Variants in GGPS1 observed in about 807,000 individuals in gnomAD.
GGPS1 encodes geranylgeranyl pyrophosphate synthase.
Under a neutral mutation model 28.1 loss-of-function variants are expected in GGPS1, and 15 were observed. The observed-to-expected ratio is 0.53, with a 90% CI of 0.36 to 0.82. The LOEUF is 0.82. Among genes scored for constraint, GGPS1 ranks in the 40% least tolerant of loss-of-function variants. The pLI is 0.01. For missense variants in GGPS1, 284 were observed against 348.3 expected (o/e 0.82, Z 1.47); for synonymous variants, 138 against 122.4 (o/e 1.13, Z -0.84).
Position 235,343,190 on chromosome 1 carries a change from T to A in GGPS1, c.*418T>A, listed in dbSNP as rs1426126824. 5.9e-6 allele frequency: 1 copy of A among 168,586 alleles called. No individual in the cohort carries two copies. The highest frequency in any genetic ancestry group is 6.5e-5 in the Admixed American group (1 of 15,328). 10.4% of individuals were successfully genotyped at this position (168,586 alleles called of 1,614,324 possible). A position where few individuals can be genotyped will look rare whatever the true frequency, so the allele number is the denominator to read the frequency against. ...GACCAAAGACCACAAATCTCTTTTTTTCCTAAACGCTGCTGTAAGGAATAT... is the reference window on the plus strand; with the variant it reads ...GACCAAAGACCACAAATCTCTTTTTATCCTAAACGCTGCTGTAAGGAATAT... On this transcript the variant is annotated 3_prime_UTR_variant, in exon 4 of 4. Coordinates refer to ENST00000282841, the MANE Select transcript of GGPS1 (RefSeq NM_004837.4).
intron 2 of GGPS1, among the ~76,000 whole-genome samples, chr1:235,338,377 G>A (rs1209668004): frequency 3.3e-5 from 5 of 149,948 alleles, no homozygotes; most frequent in African/African-American, 4.9e-5. Flanking sequence ...GGGAGACCCC[G>A]TCTCAGAAAA....
intron 1 of GGPS1, among the ~76,000 whole-genome samples, chr1:235,333,916 G>A (rs1241744846): frequency 6.6e-6 from 1 of 152,114 alleles, no homozygotes; most frequent in East Asian, 1.9e-4. Context: ...TTCCCAAAAT[G>A]TGCCAAAGAT....
chr1:235,343,749 A>G lies in GGPS1; in HGVS notation c.*977A>G, dbSNP rs750007958. On this transcript the variant is annotated 3_prime_UTR_variant, in exon 4 of 4. Coordinates refer to ENST00000282841, the MANE Select transcript of GGPS1 (RefSeq NM_004837.4). ...CCCAAACTGGTTAGTATATGGGTAC[A>G]GCATTCCCTTTCCAATTGGGAAGCG... The G allele has an allele frequency of 3.0e-5, 5 of 166,990 alleles. No individual in the cohort carries two copies. Among genetic ancestry groups the G allele is most frequent in the Non-Finnish European group, 5.9e-5 (4 of 68,106 alleles). 10.3% of individuals were successfully genotyped at this position (166,990 alleles called of 1,614,324 possible).
chr1:235,340,430 T>G (rs1272258803), intron 2 of GGPS1, among the ~76,000 whole-genome samples: 19 of 127,390 alleles, frequency 1.5e-4, no homozygotes, highest in African/African-American at 5.4e-4. Flanking sequence ...GGTGACAGAG[T>G]GAGACCCTGT....
At chr1:235,334,700 CTT>C (rs1675814636) in intron 1 of GGPS1, among the ~76,000 whole-genome samples, 1 of 152,164 alleles carries the variant, frequency 6.6e-6, no homozygotes, top group African/African-American at 2.4e-5. Flanking sequence ...AGATTGGCTT[CTT>C]TCACTTAACA....
intron 2 of GGPS1, among the ~76,000 whole-genome samples, chr1:235,338,485 TA>T (rs772858235): frequency 4.6e-5 from 7 of 152,168 alleles, no homozygotes; most frequent in Non-Finnish European, 1.0e-4. Flanking sequence ...AAATAAGCCA[TA>T]TATTGTACTG....
intron 2 of GGPS1, among the ~76,000 whole-genome samples, chr1:235,340,604 C>T (rs1232656495): frequency 1.3e-5 from 2 of 150,938 alleles, no homozygotes; most frequent in Admixed American, 6.6e-5. Context: ...GGCGTGGTAG[C>T]GGGCGCCTGT....
At chr1:235,341,156 C>T (rs1415848562) in intron 2 of GGPS1, among the ~76,000 whole-genome samples, 1 of 151,892 alleles carries the variant, frequency 6.6e-6, no homozygotes, top group African/African-American at 2.4e-5. Flanking sequence ...ATATTAAAAC[C>T]CCCTTTCTAT....
intron 1 of GGPS1, among the ~76,000 whole-genome samples, chr1:235,334,972 C>T (rs1305339810): frequency 6.6e-6 from 1 of 152,016 alleles, no homozygotes; most frequent in Non-Finnish European, 1.5e-5. Flanking sequence ...ATCTACCCAC[C>T]TCAGCTAATT....
chr1:235,340,319 A>T (rs1435228000), intron 2 of GGPS1, among the ~76,000 whole-genome samples: 1 of 151,884 alleles, frequency 6.6e-6, no homozygotes, highest in Non-Finnish European at 1.5e-5. Flanking sequence ...CAAAAACAAA[A>T]ATTAACCGGG....
intron 1 of GGPS1, among the ~76,000 whole-genome samples, chr1:235,334,457 A>G (rs1341706960): frequency 1.3e-5 from 2 of 152,242 alleles, no homozygotes; most frequent in Non-Finnish European, 2.9e-5. Flanking sequence ...TAATTGAGAT[A>G]TAATTTACAT....
In GGPS1 at chr1:235,343,443, C is replaced by A. The variant is rs532345465; in HGVS notation, c.*671C>A. 6.3e-6 allele frequency: 1 copy of A among 159,752 alleles called. No homozygotes were observed. Among genetic ancestry groups the A allele is most frequent in the Non-Finnish European group, 1.5e-5 (1 of 68,128 alleles). The allele number at this position is 159,752 out of a possible 1,614,324, so 9.9% of individuals were successfully genotyped here. A position where few individuals can be genotyped will look rare whatever the true frequency, so the allele number is the denominator to read the frequency against. On this transcript the variant is annotated 3_prime_UTR_variant, in exon 4 of 4. Coordinates refer to ENST00000282841, the MANE Select transcript of GGPS1 (RefSeq NM_004837.4). The stretch of plus-strand genomic sequence containing the variant: ...GTGGGCGCCTGTAGTCCCAGCTACT[C>A]GGGAGGCTGAGGCAGGAGAATGGTG...
At chr1:235,334,819 C>T (rs969897870) in intron 1 of GGPS1, among the ~76,000 whole-genome samples, 2 of 152,080 alleles carry the variant, frequency 1.3e-5, no homozygotes, top group Non-Finnish European at 2.9e-5. Context: ...CTCACTGCAA[C>T]CTCTGCCTCC....
In GGPS1 at chr1:235,343,693, T is replaced by C. The variant is rs1281003072; in HGVS notation, c.*921T>C. On this transcript the variant is annotated 3_prime_UTR_variant, in exon 4 of 4. Coordinates refer to ENST00000282841, the MANE Select transcript of GGPS1 (RefSeq NM_004837.4). ...GATGAAATTCACATGCTAGTCTAAA[T>C]CTTTTTTTCTCCCTTGTAACATTTA... The C allele has an allele frequency of 2.4e-5, 4 of 167,024 alleles. No homozygotes were observed. Among genetic ancestry groups the C allele is most frequent in the African/African-American group, 9.7e-5 (4 of 41,442 alleles). 10.3% of individuals were successfully genotyped at this position (167,024 alleles called of 1,614,324 possible).
At chr1:235,334,044 G>C (rs1397088524) in intron 1 of GGPS1, among the ~76,000 whole-genome samples, 1 of 152,064 alleles carries the variant, frequency 6.6e-6, no homozygotes, top group Non-Finnish European at 1.5e-5. Flanking sequence ...TGTTATTCTA[G>C]GAAATACTGA....
rs1172474417 is a variant in GGPS1, at chr1:235,342,758, G to T, written c.889G>T (p.Glu297Ter). ...LVKHLSKMFK[E>*]ENE ...AAAACACTTAAGTAAGATGTTCAAA[G>T]AAGAAAATGAATAATGTTAAGCCAT... The change falls in exon 4 of 4, where the codon GAA becomes TAA. Residue 297 changes from glutamate (E) to a stop codon, truncating the protein, a stop_gained. Transcript: ENST00000282841. LOFTEE classifies it high-confidence loss of function. The T allele has an allele frequency of 3.2e-6, 5 of 1,575,258 alleles. No individual in the cohort carries two copies. Among genetic ancestry groups the T allele is most frequent in the Non-Finnish European group, 4.3e-6 (5 of 1,162,734 alleles).
Position 235,342,296 on chromosome 1 carries a change from G to A in GGPS1, c.427G>A (p.Glu143Lys), listed in dbSNP as rs747924516. Residue 143 changes from glutamate to lysine, a missense_variant, in exon 4 of 4, where the codon GAA (glutamate) becomes AAA (lysine). Transcript: ENST00000282841. ...TAATTACACTTGTCCCACTGAAGAA[G>A]AATATAAAGCTATGGTGCTGCAGAA... ...RDNYTCPTEE[E>K]YKAMVLQKTG... 29 of 1,614,158 alleles carry A rather than the reference G, an allele frequency of 1.8e-5. No individual in the cohort carries two copies. The highest frequency in any genetic ancestry group is 2.4e-5 in the Non-Finnish European group (28 of 1,179,978).
chr1:235,336,049 T>TCCTACCTCACGTGTA (rs1334703640), intron 2 of GGPS1, among the ~76,000 whole-genome samples: 1 of 152,258 alleles, frequency 6.6e-6, no homozygotes, highest in Non-Finnish European at 1.5e-5. Context: ...GGACATGGCT[T>TCCTACCTCACGTGTA]CCTACCTCAC....
chr1:235,340,275 C>T (rs1021540773), intron 2 of GGPS1, among the ~76,000 whole-genome samples: 2 of 152,058 alleles, frequency 1.3e-5, no homozygotes, highest in Admixed American at 6.6e-5. Flanking sequence ...GAGTTTGAGA[C>T]CAGCTTGGGC....
Sources: gnomAD v4.1 joint callset for allele counts (sites outside exome capture counted in the v4.1 genomes callset) on GRCh38, gnomAD v4.1.1 for gene constraint, MANE v1.5 for transcripts, NCBI Gene and HGNC (gene_info 2026-07-23, HGNC 2026-07-21) for gene names.